The following NDEL1 variants were observed in gnomAD, a reference collection of about 807,000 sequenced individuals.
The protein encoded by NDEL1 is nuclear distribution protein nudE-like 1.
Under a neutral mutation model 45.7 loss-of-function variants are expected in NDEL1, and 9 were observed. That is an observed-to-expected ratio of 0.20 (90% CI 0.12 to 0.34). NDEL1 has a LOEUF of 0.34. NDEL1 is among the 10% of genes least tolerant of loss of function. The pLI, the probability that NDEL1 is intolerant of heterozygous loss-of-function variation, is 1.00. For missense variants in NDEL1, 306 were observed against 406.2 expected, an observed-to-expected ratio of 0.75 and a Z score of 2.12; for synonymous variants, 133 against 158.6, an observed-to-expected ratio of 0.84 and a Z score of 1.21.
At chr17:8,422,351 C>T (rs943887514) in intron 1 of NDEL1, among the ~76,000 whole-genome samples, 1 of 152,138 alleles carries the variant, frequency 6.6e-6, no homozygotes, top group Non-Finnish European at 1.5e-5. Flanking sequence ...CTCTATTGCC[C>T]AGGCTGGAGT....
At chr17:8,434,761 A>AT (rs549205780), upstream of NDEL1, among the ~76,000 whole-genome samples, 11 of 152,000 alleles carry the variant, frequency 7.2e-5, no homozygotes, top group East Asian at 2.1e-3. Flanking sequence ...ACGTACTAAA[A>AT]ATATATAAAC....
At chr17:8,430,922 A>G (rs914658691), upstream of NDEL1, among the ~76,000 whole-genome samples, 1 of 152,222 alleles carries the variant, frequency 6.6e-6, no homozygotes, top group African/African-American at 2.4e-5. Flanking sequence ...AGAAAGCTCA[A>G]CCACAAGGGG....
intron 7 of NDEL1, among the ~76,000 whole-genome samples, chr17:8,457,126 T>G (rs1597551448): frequency 6.6e-6 from 1 of 152,382 alleles, no homozygotes; most frequent in East Asian, 1.9e-4. Context: ...GACTGTACGC[T>G]GCTTTCTTTT....
upstream of NDEL1, among the ~76,000 whole-genome samples, chr17:8,434,319 C>A (rs1194033916): frequency 6.6e-6 from 1 of 152,160 alleles, no homozygotes; most frequent in East Asian, 1.9e-4. Context: ...CGGGTTCGAG[C>A]GATTCTCCTG....
At chr17:8,472,059 T>A (rs1911848082), downstream of NDEL1, among the ~76,000 whole-genome samples, 1 of 152,182 alleles carries the variant, frequency 6.6e-6, no homozygotes, top group African/African-American at 2.4e-5. Context: ...TCTGGCTTTT[T>A]TCTTTTTTTG....
intron 1 of NDEL1, among the ~76,000 whole-genome samples, chr17:8,440,276 G>A (rs560222790): frequency 6.6e-6 from 1 of 152,274 alleles, no homozygotes; most frequent in East Asian, 1.9e-4. Context: ...CCAGCACTTT[G>A]GGAGGCCGAG....
intron 1 of NDEL1, among the ~76,000 whole-genome samples, chr17:8,426,034 C>T (rs955924874): frequency 3.9e-5 from 6 of 152,202 alleles, no homozygotes; most frequent in African/African-American, 1.4e-4. Flanking sequence ...AAGTGATCCT[C>T]CCACCTTAGC....
chr17:8,472,143 C>G (rs192851679), downstream of NDEL1, among the ~76,000 whole-genome samples: 582 of 152,276 alleles, frequency 3.8e-3, 7 homozygotes, highest in African/African-American at 0.012. Flanking sequence ...GTGGACATGT[C>G]TGTCCCTCAG....
At chr17:8,414,626 C>T (rs982433907) in intron 1 of NDEL1, among the ~76,000 whole-genome samples, 1 of 151,952 alleles carries the variant, frequency 6.6e-6, no homozygotes. Flanking sequence ...GAGATCGCGC[C>T]ACTGCACTCT....
chr17:8,456,408 ATATTTT>A (rs941688048), intron 7 of NDEL1, among the ~76,000 whole-genome samples: 5 of 151,474 alleles, frequency 3.3e-5, no homozygotes, highest in East Asian at 1.9e-4. Context: ...TTAAGCAAAG[ATATTTT>A]TATTTTTATT....
At chr17:8,434,682 G>A (rs774205536), upstream of NDEL1, among the ~76,000 whole-genome samples, 4 of 151,800 alleles carry the variant, frequency 2.6e-5, no homozygotes, top group African/African-American at 7.3e-5. Context: ...GGCTAGTATC[G>A]TCTCCAGCTT....
intron 1 of NDEL1, among the ~76,000 whole-genome samples, chr17:8,428,960 A>T (rs1045863982): frequency 6.6e-6 from 1 of 152,244 alleles, no homozygotes; most frequent in Non-Finnish European, 1.5e-5. Flanking sequence ...GGCATGAGCC[A>T]CCGCGCCCGG....
Position 8,439,036 on chromosome 17 carries a change from G to A in NDEL1, c.-13+2991G>A, listed in dbSNP as rs374698941. Reference sequence around the variant, plus strand: ...GGCTCACTGCAAGTTCTGCCTCCCGGGTTCACGCCATTCTCCTGCCTCAGC... The same window carrying A: ...GGCTCACTGCAAGTTCTGCCTCCCGAGTTCACGCCATTCTCCTGCCTCAGC... On this transcript the variant is annotated intron_variant, in intron 1 of 8. Coordinates refer to ENST00000334527, the MANE Select transcript of NDEL1 (RefSeq NM_030808.5). Among the ~76,000 whole-genome samples the A allele has an allele frequency of 9.9e-5, 15 of 151,036 alleles. No individual in the cohort carries two copies. The South Asian group carries it at 3.1e-3, about 32-fold the overall frequency.
chr17:8,428,835 G>A (rs897320352), intron 1 of NDEL1, among the ~76,000 whole-genome samples: 10 of 151,752 alleles, frequency 6.6e-5, no homozygotes, highest in East Asian at 1.9e-4. Flanking sequence ...CACCACGCCC[G>A]GCTAATTTTT....
chr17:8,457,836 T>C (rs1372085981), intron 7 of NDEL1, among the ~76,000 whole-genome samples: 1 of 152,174 alleles, frequency 6.6e-6, no homozygotes, highest in Non-Finnish European at 1.5e-5. Context: ...TTCAGCCTTT[T>C]ACTATATATG....
chr17:8,460,079 C>T lies in NDEL1; in HGVS notation c.863C>T (p.Ser288Leu), dbSNP rs753576963. 2 of 1,614,148 alleles carry T rather than the reference C, an allele frequency of 1.2e-6. No homozygotes were observed. Among genetic ancestry groups the T allele is most frequent in the Non-Finnish European group, 1.7e-6 (2 of 1,180,030 alleles). ...KDQASRKSYI[S>L]GNVNCGVLNG... ...CAAGCATCACGAAAATCCTATATTT[C>T]AGGGAATGTTAACTGTGGGGTGCTG... Residue 288 changes from serine to leucine, a missense_variant, in exon 8 of 9, where the codon TCA (serine) becomes TTA (leucine). Ser to Leu is a moderately radical substitution (Grantham distance 145). Coordinates refer to ENST00000334527, the MANE Select transcript of NDEL1 (RefSeq NM_030808.5).
chr17:8,437,701 C>T (rs1222833938), intron 1 of NDEL1, among the ~76,000 whole-genome samples: 1 of 152,190 alleles, frequency 6.6e-6, no homozygotes, highest in African/African-American at 2.4e-5. Flanking sequence ...CTTCTAACGT[C>T]AGTCCATTTT....
downstream of NDEL1, among the ~76,000 whole-genome samples, chr17:8,470,998 G>C (rs143797311): frequency 1.1e-4 from 16 of 152,270 alleles, no homozygotes; most frequent in Non-Finnish European, 2.2e-4. The surrounding 1 kb of genome is among the most constrained non-coding windows in gnomAD (Gnocchi z 4.2). Context: ...ACGGCTTTAG[G>C]GAGCACCCGG....
chr17:8,431,880 T>TTG (rs757442616), upstream of NDEL1: 7 of 151,474 alleles, frequency 4.6e-5, no homozygotes, highest in Non-Finnish European at 8.8e-5. Context: ...AGACACCTTT[T>TTG]TTTTTTTTTT....
Sources: gnomAD v4.1 joint callset for allele counts (sites outside exome capture counted in the v4.1 genomes callset) on GRCh38, gnomAD v4.1.1 for gene constraint, Gnocchi (gnomAD v3.1) non-coding constraint, MANE v1.5 for transcripts, NCBI Gene and HGNC (gene_info 2026-07-23, HGNC 2026-07-21) for gene names.